ABCC2: variants seen among roughly 807,000 people sequenced by gnomAD.
ABCC2 encodes ATP-binding cassette sub-family C member 2.
ABCC2 carries 157 observed loss-of-function variants against 173.4 expected under a neutral mutation model. The ratio of observed to expected loss-of-function variants is 0.91; its 90% CI spans 0.80 to 1.03. The LOEUF (loss-of-function observed/expected upper bound fraction) is 1.03. Ranked by LOEUF, ABCC2 falls within the 50% of genes least tolerant of loss-of-function variation. The pLI, the probability that ABCC2 is intolerant of heterozygous loss-of-function variation, is 0.00. For missense variants in ABCC2, 1,822 were observed against 1,852.3 expected, an observed-to-expected ratio of 0.98 and a Z score of 0.30; for synonymous variants, 657 against 693.5, an observed-to-expected ratio of 0.95 and a Z score of 0.83.
At chr10:99,814,156 TACACAC>T (rs1330906525) in intron 16 of ABCC2, among the ~76,000 whole-genome samples, 930 of 29,426 alleles carry the variant, frequency 0.032, 36 homozygotes, top group Middle Eastern at 0.045. Flanking sequence ...CATGTATGTA[TACACAC>T]GTATATATAC....
rs2037843838 is a variant in ABCC2, at chr10:99,793,576, G to T, written c.359G>T (p.Ser120Ile). The change falls in exon 4 of 32, where the codon AGC (serine) becomes ATC (isoleucine). Residue 120 changes from serine (S) to isoleucine (I), a missense_variant. Transcript: ENST00000647814. ...CTCCTGGTTTTGCTGATCCAATACA[G>T]CAGACAATGGTGTGTACAGAAAAAC... Reference protein sequence around the residue: ...TWLLVLLIQYSRQWCVQKNSW... With the variant: ...TWLLVLLIQYIRQWCVQKNSW... 9.9e-6 allele frequency: 16 copies of T among 1,614,092 alleles called. No individual in the cohort carries two copies. The highest frequency in any genetic ancestry group is 1.3e-5 in the Non-Finnish European group (15 of 1,179,980).
chr10:99,814,210 C>CCT, intron 16 of ABCC2, among the ~76,000 whole-genome samples: 1 of 59,818 alleles, frequency 1.7e-5, no homozygotes, highest in African/African-American at 6.5e-5. Context: ...TATATACACA[C>CCT]ATGTGTATAT....
At chr10:99,841,359 C>T (rs1481525357) in intron 25 of ABCC2, among the ~76,000 whole-genome samples, 1 of 152,092 alleles carries the variant, frequency 6.6e-6, no homozygotes, top group East Asian at 1.9e-4. Context: ...TCAAGACCAG[C>T]TTGGGCAACA....
At chr10:99,821,837 A>G (rs2038543925) in intron 19 of ABCC2, among the ~76,000 whole-genome samples, 1 of 148,910 alleles carries the variant, frequency 6.7e-6, no homozygotes, top group South Asian at 2.1e-4. Flanking sequence ...CATCGTCATC[A>G]TGGCCCGTTC....
chr10:99,836,218 G>T lies in ABCC2; in HGVS notation c.3542G>T (p.Arg1181Leu), dbSNP rs8187692. The part of the protein sequence containing the change: ...PVIRAFEHQQ[R>L]FLKHNEVRID... ...ATCCGTGCCTTTGAGCACCAGCAGCGATTTCTGAAACACAATGAGGTGAGG... is the reference window on the plus strand; with the variant it reads ...ATCCGTGCCTTTGAGCACCAGCAGCTATTTCTGAAACACAATGAGGTGAGG... Residue 1181 changes from arginine to leucine, a missense_variant, in exon 25 of 32, where the codon CGA becomes CTA. Arg to Leu is a moderately radical substitution (Grantham distance 102, BLOSUM62 -2). Transcript: ENST00000647814. 5.3e-3 allele frequency: 8,579 copies of T among 1,614,136 alleles called. 361 individuals are homozygous for T. In the African/African-American group the frequency reaches 0.093, roughly 18 times the overall value.
At chr10:99,793,826 A>G (rs1048351629) in intron 4 of ABCC2, 66 bp from the exon 5 acceptor site, 1 of 1,566,832 alleles carries the variant, frequency 6.4e-7, no homozygotes, top group Non-Finnish European at 8.8e-7. Flanking sequence ...GCATTGATAT[A>G]TACGGGCCAT....
Position 99,830,741 on chromosome 10 carries a change from A to G in ABCC2, c.2773A>G (p.Lys925Glu). The change falls in exon 21 of 32, where the codon AAG becomes GAG. Residue 925 changes from lysine to glutamate, a missense_variant. Transcript: ENST00000647814. Reference protein sequence around the residue: ...RSSRSNGRHLKSLRNSLKTRN... With the variant: ...RSSRSNGRHLESLRNSLKTRN... ...TTCTAGGTCCAATGGCAGGCATCTGAAGTCCCTGAGAAACTCCTTGAAAAC... is the reference window on the plus strand; with the variant it reads ...TTCTAGGTCCAATGGCAGGCATCTGGAGTCCCTGAGAAACTCCTTGAAAAC... The G allele has an allele frequency of 6.2e-7, 1 of 1,614,158 alleles. No homozygotes were observed. Among genetic ancestry groups the G allele is most frequent in the African/African-American group, 1.3e-5 (1 of 75,034 alleles).
intron 9 of ABCC2, among the ~76,000 whole-genome samples, chr10:99,801,952 G>A (rs1420520386): frequency 6.6e-6 from 1 of 152,088 alleles, no homozygotes; most frequent in Non-Finnish European, 1.5e-5. Context: ...CCCCCCAACT[G>A]GAATTTGCCT....
At chr10:99,836,016 T>G in intron 24 of ABCC2, 75 bp from the exon 25 acceptor site, 2 of 1,458,302 alleles carry the variant, frequency 1.4e-6, no homozygotes, top group Non-Finnish European at 1.9e-6. Flanking sequence ...AATGCTGGGT[T>G]GTGGCCAGAA....
rs1408960901 is a variant in ABCC2, at chr10:99,831,962, T to A, written c.3104-15T>A. The A allele has an allele frequency of 1.9e-6, 3 of 1,614,116 alleles. No individual in the cohort carries two copies. The African/African-American group carries it at 4.0e-5, about 22-fold the overall frequency. Reference sequence around the variant, plus strand: ...TTCCTGTGCATGGTGCTGACAAAACTGCTTCCATCTCTAGGTATATTTGTG... The same window carrying A: ...TTCCTGTGCATGGTGCTGACAAAACAGCTTCCATCTCTAGGTATATTTGTG... On this transcript the variant is annotated splice_polypyrimidine_tract_variant and intron_variant, in intron 22 of 31. Transcript: ENST00000647814.
chr10:99,835,982 TA>T, intron 24 of ABCC2, 108 bp from the exon 25 acceptor site: 1 of 1,086,068 alleles, frequency 9.2e-7, no homozygotes, highest in Non-Finnish European at 1.4e-6. Context: ...TGTTCAGACG[TA>T]AGCTGTGCCC....
chr10:99,790,745 G>A (rs1053962330), intron 2 of ABCC2, among the ~76,000 whole-genome samples: 4 of 152,102 alleles, frequency 2.6e-5, no homozygotes, highest in Non-Finnish European at 5.9e-5. Context: ...ATGCATTTCA[G>A]TTATTAACAT....
At chr10:99,825,367 C>T (rs186924024) in intron 19 of ABCC2, among the ~76,000 whole-genome samples, 13 of 151,726 alleles carry the variant, frequency 8.6e-5, no homozygotes, top group African/African-American at 2.9e-4. Context: ...TTTTTGGCCA[C>T]CGATTTAAAG....
chr10:99,817,682 G>T (rs1164131215), intron 17 of ABCC2, among the ~76,000 whole-genome samples, 198 bp downstream of exon 17: 2 of 152,140 alleles, frequency 1.3e-5, no homozygotes, highest in Non-Finnish European at 1.5e-5. Context: ...CAAACTTTCT[G>T]CTTGGAAACA....
intron 23 of ABCC2, among the ~76,000 whole-genome samples, chr10:99,833,342 A>G (rs2038769661): frequency 6.6e-6 from 1 of 152,236 alleles, no homozygotes; most frequent in South Asian, 2.1e-4. Flanking sequence ...TCTTCTGGGA[A>G]AGAGAACACA....
intron 3 of ABCC2, 41 bp from the exon 4 acceptor site, chr10:99,793,510 G>A (rs1266324166): frequency 6.2e-7 from 1 of 1,613,520 alleles, no homozygotes; most frequent in Admixed American, 1.7e-5. Context: ...TCCTCGGTTA[G>A]TGGCAGTATT....
chr10:99,787,841 T>C (rs1159005351), intron 2 of ABCC2, among the ~76,000 whole-genome samples: 1 of 152,008 alleles, frequency 6.6e-6, no homozygotes, highest in African/African-American at 2.4e-5. Flanking sequence ...AGTGGGAGAA[T>C]TGCTTGAGCC....
chr10:99,831,448 T>A (rs2038736571), intron 21 of ABCC2, among the ~76,000 whole-genome samples, 163 bp from the exon 22 acceptor site: 1 of 152,230 alleles, frequency 6.6e-6, no homozygotes, highest in Admixed American at 6.5e-5. Flanking sequence ...TCTATTATCC[T>A]TCCTGGCACA....
intron 17 of ABCC2, 30 bp from the exon 18 acceptor site, chr10:99,818,760 G>C: frequency 2.5e-6 from 4 of 1,613,022 alleles, no homozygotes; most frequent in Non-Finnish European, 3.4e-6. Context: ...CTAGGGAGTA[G>C]TGCTTAATAT....
Sources: allele counts gnomAD v4.1 joint callset (sites outside exome capture counted in the v4.1 genomes callset), GRCh38; gene constraint gnomAD v4.1.1; transcripts MANE v1.5; gene names NCBI Gene and HGNC (gene_info 2026-07-23, HGNC 2026-07-21).